KCNIP4: variants seen among roughly 807,000 people sequenced by gnomAD.
KCNIP4 encodes Kv channel-interacting protein 4.
In KCNIP4, 12 loss-of-function variants were observed where a neutral mutation model predicts 34.0. The ratio of observed to expected loss-of-function variants is 0.35; its 90% CI spans 0.23 to 0.57. The LOEUF (loss-of-function observed/expected upper bound fraction) is 0.57, where lower values mean the gene tolerates loss of function less well. Among genes scored for constraint, KCNIP4 ranks in the 20% least tolerant of loss-of-function variants. KCNIP4 has a pLI of 0.83. For synonymous variants in KCNIP4, 124 were observed against 102.2 expected, an observed-to-expected ratio of 1.21 and a Z score of -1.29; for missense variants, 238 against 311.7, an observed-to-expected ratio of 0.76 and a Z score of 1.78.
intron 1 of KCNIP4, among the ~76,000 whole-genome samples, chr4:21,605,334 A>G (rs1020564193): frequency 6.6e-6 from 1 of 152,142 alleles, no homozygotes; most frequent in Non-Finnish European, 1.5e-5. Context: ...CTTCTCCTCA[A>G]AGTCAATGAG....
chr4:20,901,482 TA>T (rs926162370), intron 1 of KCNIP4, among the ~76,000 whole-genome samples: 5 of 152,206 alleles, frequency 3.3e-5, no homozygotes, highest in Non-Finnish European at 7.3e-5. Flanking sequence ...TGAAAAGCAT[TA>T]TCTACATGGT....
At chr4:21,392,089 T>A (rs116679788) in intron 1 of KCNIP4, among the ~76,000 whole-genome samples, 1 of 152,308 alleles carries the variant, frequency 6.6e-6, no homozygotes, top group African/African-American at 2.4e-5. Context: ...CCAACACTCA[T>A]ACATCTTGCA....
chr4:21,373,698 G>GTTTA lies in KCNIP4; in HGVS notation c.62-490993_62-490990dup, dbSNP rs993564936. ...GGGTTTCTCATTTTCATTTTATCTT[G>GTTTA]TTTATTTATTTATTTATTTATTTTG... On this transcript the variant is annotated intron_variant, in intron 1 of 8. Coordinates refer to ENST00000382152, the MANE Select transcript of KCNIP4 (RefSeq NM_025221.6). 8.3e-4 allele frequency among the ~76,000 whole-genome samples: 122 copies of GTTTA among 146,836 alleles called. 19 individuals carry two copies. Among genetic ancestry groups the GTTTA allele is most frequent in the Middle Eastern group, 3.4e-3 (1 of 294 alleles).
chr4:21,369,835 T>G (rs1392903600), intron 1 of KCNIP4, among the ~76,000 whole-genome samples: 1 of 143,144 alleles, frequency 7.0e-6, no homozygotes. Context: ...TTTTTTTTTT[T>G]TTTTTAGACG....
intron 1 of KCNIP4, among the ~76,000 whole-genome samples, chr4:21,064,546 A>G (rs1744188876): frequency 6.6e-6 from 1 of 152,150 alleles, no homozygotes; most frequent in African/African-American, 2.4e-5. Flanking sequence ...CATTTATGCT[A>G]TAGTTATCTT....
At chr4:21,816,798 T>C (rs12640966) in intron 1 of KCNIP4, among the ~76,000 whole-genome samples, 58,088 of 152,004 alleles carry the variant, frequency 0.38, 12,678 homozygotes, top group Non-Finnish European at 0.51. Flanking sequence ...AGCAAAATCA[T>C]TGTGAAGCTG....
chr4:20,761,267 G>T (rs956332430), intron 3 of KCNIP4, among the ~76,000 whole-genome samples: 1 of 152,138 alleles, frequency 6.6e-6, no homozygotes, highest in Admixed American at 6.5e-5. Context: ...GCTCCACAAA[G>T]TGTGAACCAA....
intron 1 of KCNIP4, among the ~76,000 whole-genome samples, chr4:21,335,424 C>T (rs964058622): frequency 6.6e-6 from 1 of 152,070 alleles, no homozygotes; most frequent in Admixed American, 6.6e-5. Flanking sequence ...AGCACAGTCA[C>T]AAAAAAATAT....
intron 1 of KCNIP4, among the ~76,000 whole-genome samples, chr4:21,056,377 T>A (rs1743401956): frequency 6.6e-6 from 1 of 152,196 alleles, no homozygotes; most frequent in Non-Finnish European, 1.5e-5. Flanking sequence ...TCCCAGATTA[T>A]CCGCCTCCAT....
At chr4:21,926,809 A>T (rs1729274920) in intron 1 of KCNIP4, among the ~76,000 whole-genome samples, 1 of 152,216 alleles carries the variant, frequency 6.6e-6, no homozygotes, top group Admixed American at 6.5e-5. Flanking sequence ...ATTAAGATGT[A>T]TATCCTTTCT....
At chr4:20,889,952 T>C (rs946635241) in intron 1 of KCNIP4, among the ~76,000 whole-genome samples, 4 of 152,130 alleles carry the variant, frequency 2.6e-5, no homozygotes, top group African/African-American at 9.7e-5. Flanking sequence ...ATGTACATAT[T>C]ATAAGCATTA....
chr4:20,817,623 G>A (rs947892153), intron 3 of KCNIP4, among the ~76,000 whole-genome samples: 2 of 149,884 alleles, frequency 1.3e-5, no homozygotes, highest in African/African-American at 4.9e-5. Context: ...TATCATGGTG[G>A]CTCATTTTAC....
At chr4:21,511,628 C>T (rs1380465621) in intron 1 of KCNIP4, among the ~76,000 whole-genome samples, 1 of 152,130 alleles carries the variant, frequency 6.6e-6, no homozygotes, top group Non-Finnish European at 1.5e-5. Context: ...CTGAAGATGG[C>T]AATAACGCTC....
At chr4:21,492,975 G>C (rs1732537104) in intron 1 of KCNIP4, among the ~76,000 whole-genome samples, 1 of 152,158 alleles carries the variant, frequency 6.6e-6, no homozygotes, top group Admixed American at 6.5e-5. Context: ...TTGCTCTGCT[G>C]CTTCAGATTC....
intron 1 of KCNIP4, among the ~76,000 whole-genome samples, chr4:21,514,728 A>G (rs1211278071): frequency 6.6e-6 from 1 of 152,206 alleles, no homozygotes; most frequent in African/African-American, 2.4e-5. Flanking sequence ...AACAAAAAAA[A>G]GTGAAAGAAA....
At chr4:21,410,810 AT>A (rs1724431575) in intron 1 of KCNIP4, among the ~76,000 whole-genome samples, 1 of 152,168 alleles carries the variant, frequency 6.6e-6, no homozygotes, top group Non-Finnish European at 1.5e-5. Flanking sequence ...TTAAGGAGAA[AT>A]TTATCCTATG....
chr4:21,550,639 T>C (rs552006827), intron 1 of KCNIP4, among the ~76,000 whole-genome samples: 66 of 152,146 alleles, frequency 4.3e-4, no homozygotes, highest in Non-Finnish European at 7.2e-4. Context: ...TACCCATAGA[T>C]ACAATCCAAG....
intron 1 of KCNIP4, among the ~76,000 whole-genome samples, chr4:21,655,076 T>A (rs1747816041): frequency 6.6e-6 from 1 of 152,088 alleles, no homozygotes; most frequent in Non-Finnish European, 1.5e-5. Flanking sequence ...ATCTGTGCAA[T>A]GCCAATAAAA....
chr4:20,984,119 ATGCTGATCC>A (rs1435761066), intron 1 of KCNIP4: 11 of 775,712 alleles, frequency 1.4e-5, no homozygotes, highest in Non-Finnish European at 2.2e-5. Context: ...CCAGCTTCTC[ATGCTGATCC>A]TGGCATTTGG....
Sources: gnomAD v4.1 joint callset for allele counts (sites outside exome capture counted in the v4.1 genomes callset) on GRCh38, gnomAD v4.1.1 for gene constraint, MANE v1.5 for transcripts, NCBI Gene and HGNC (gene_info 2026-07-23, HGNC 2026-07-21) for gene names.